Variants in CNST observed in about 807,000 individuals in gnomAD.
CNST encodes consortin.
CNST carries 39 observed loss-of-function variants against 72.4 expected under a neutral mutation model. The ratio of observed to expected loss-of-function variants is 0.54; its 90% CI spans 0.42 to 0.70. The LOEUF is 0.70. CNST is among the 30% of genes least tolerant of loss of function. CNST has a pLI of 0.00. For synonymous variants in CNST, 332 were observed against 320.1 expected (o/e 1.04, Z -0.40); for missense variants, 871 against 868.5 (o/e 1.00, Z -0.04).
At chr1:246,586,445 C>A (rs1043901003) in intron 1 of CNST, among the ~76,000 whole-genome samples, 12 of 147,656 alleles carry the variant, frequency 8.1e-5, no homozygotes, top group Non-Finnish European at 1.6e-4. Flanking sequence ...TATATGCAAG[C>A]TATATCTTAT....
In CNST at chr1:246,601,666, T is replaced by C. The variant is rs946591322; in HGVS notation, c.379+9725T>C. ...AAAATTAGCTGGGCGTGGTGGCACATGCCTGTAATTCCAGCTACTCAGGAG... is the reference window on the plus strand; with the variant it reads ...AAAATTAGCTGGGCGTGGTGGCACACGCCTGTAATTCCAGCTACTCAGGAG... On this transcript the variant is annotated intron_variant, in intron 2 of 10. Coordinates refer to ENST00000366513, the MANE Select transcript of CNST (RefSeq NM_152609.3). Among the ~76,000 whole-genome samples the C allele has an allele frequency of 7.9e-5, 12 of 152,040 alleles. No homozygotes were observed. In the South Asian group the frequency reaches 1.5e-3, roughly 18 times the overall value.
Position 246,576,016 on chromosome 1 carries a change from CTT to C in CNST, c.-52+9354_-52+9355del, listed in dbSNP as rs1261399577. 3.1e-3 allele frequency among the ~76,000 whole-genome samples: 455 copies of C among 149,078 alleles called. 3 individuals are homozygous for C. The highest frequency in any genetic ancestry group is 0.011 in the African/African-American group (426 of 39,904). ...TTGGGAGGCCGAGGCGAGCAGATCA[CTT>C]GAGGTCAGGAATTCAAGACCAGCCT... On this transcript the variant is annotated intron_variant, in intron 1 of 10. Transcript: ENST00000366513.
intron 1 of CNST, among the ~76,000 whole-genome samples, chr1:246,572,085 C>T (rs749428819): frequency 2.0e-5 from 3 of 152,066 alleles, no homozygotes; most frequent in Admixed American, 1.3e-4. Context: ...TGGCCAGTCA[C>T]AGCCATGCCT....
At chr1:246,648,879 A>C (rs1285149529) in intron 9 of CNST, among the ~76,000 whole-genome samples, 1 of 152,234 alleles carries the variant, frequency 6.6e-6, no homozygotes, top group Non-Finnish European at 1.5e-5. Flanking sequence ...CATTGAAAAA[A>C]TAAGGGGGAA....
At chr1:246,652,909 C>G (rs1666557607) in intron 9 of CNST, among the ~76,000 whole-genome samples, 1 of 150,726 alleles carries the variant, frequency 6.6e-6, no homozygotes, top group South Asian at 2.1e-4. Flanking sequence ...GAGGCTGAGG[C>G]AGGAGAATGG....
At chr1:246,623,967 G>A (rs1664257214) in intron 3 of CNST, among the ~76,000 whole-genome samples, 1 of 151,802 alleles carries the variant, frequency 6.6e-6, no homozygotes, top group Non-Finnish European at 1.5e-5. Context: ...GGACGCTAAG[G>A]TGGGAGGATT....
At chr1:246,647,044 A>G in intron 8 of CNST, 95 bp from the exon 9 acceptor site, 1 of 1,111,766 alleles carries the variant, frequency 9.0e-7, no homozygotes, top group Non-Finnish European at 1.3e-6. Context: ...GGGTTAGAAT[A>G]TTGCTGTATT....
At chr1:246,648,479 A>T (rs1353825816) in intron 9 of CNST, among the ~76,000 whole-genome samples, 3 of 152,196 alleles carry the variant, frequency 2.0e-5, no homozygotes, top group Non-Finnish European at 4.4e-5. Context: ...TAGTCTAAAG[A>T]ATAGAGGGAA....
At chr1:246,617,439 A>G (rs1349199072) in intron 2 of CNST, among the ~76,000 whole-genome samples, 2 of 152,234 alleles carry the variant, frequency 1.3e-5, no homozygotes, top group Admixed American at 6.5e-5. Context: ...GAACTGCTTT[A>G]CCACTCTTGT....
intron 1 of CNST, among the ~76,000 whole-genome samples, chr1:246,571,835 G>A (rs1660090737): frequency 6.6e-6 from 1 of 152,064 alleles, no homozygotes; most frequent in Non-Finnish European, 1.5e-5. Context: ...TGACATTTGG[G>A]CATTTGATAT....
At chr1:246,631,384 T>G (rs1464839098) in intron 3 of CNST, among the ~76,000 whole-genome samples, 1 of 152,230 alleles carries the variant, frequency 6.6e-6, no homozygotes, top group Non-Finnish European at 1.5e-5. Context: ...TCCTGTGAGG[T>G]CCTCAGCCGG....
At chr1:246,598,014 T>C (rs1399394685) in intron 2 of CNST, among the ~76,000 whole-genome samples, 1 of 152,178 alleles carries the variant, frequency 6.6e-6, no homozygotes, top group Admixed American at 6.6e-5. Flanking sequence ...AGGATTTTGT[T>C]CTGTCACCTA....
chr1:246,663,919 C>A (rs548036513), intron 10 of CNST, among the ~76,000 whole-genome samples: 76 of 152,090 alleles, frequency 5.0e-4, no homozygotes, highest in Middle Eastern at 3.4e-3. Flanking sequence ...ACGGATAGTC[C>A]CTTAGACTCT....
At chr1:246,584,954 C>T (rs1661039677) in intron 1 of CNST, among the ~76,000 whole-genome samples, 1 of 152,160 alleles carries the variant, frequency 6.6e-6, no homozygotes, top group African/African-American at 2.4e-5. Context: ...GAAATAGTTT[C>T]AGCCTTTGCT....
Position 246,667,935 on chromosome 1 carries a change from T to G in CNST, c.*2030T>G, listed in dbSNP as rs923206869. ...AGAGCCACTTCCTCTGAACCCAACA[T>G]CTCCTGGGGACCTTCGCAGCAAGAG... On this transcript the variant is annotated 3_prime_UTR_variant, in exon 11 of 11. Coordinates refer to ENST00000366513, the MANE Select transcript of CNST (RefSeq NM_152609.3). 6.6e-6 allele frequency: 1 copy of G among 152,164 alleles called. No homozygotes were observed. Among genetic ancestry groups the G allele is most frequent in the Non-Finnish European group, 1.5e-5 (1 of 68,046 alleles). 9.4% of individuals were successfully genotyped at this position (152,164 alleles called of 1,614,324 possible).
chr1:246,595,094 G>A (rs1180474288), intron 2 of CNST, among the ~76,000 whole-genome samples: 19 of 152,112 alleles, frequency 1.2e-4, no homozygotes, highest in Admixed American at 3.9e-4. Flanking sequence ...TGTCTGCCCG[G>A]GCTGGCCATG....
At chr1:246,605,488 T>C (rs1195770751) in intron 2 of CNST, among the ~76,000 whole-genome samples, 1 of 152,202 alleles carries the variant, frequency 6.6e-6, no homozygotes, top group Non-Finnish European at 1.5e-5. Flanking sequence ...CACGCTGTTT[T>C]AATGCGCGCC....
At chr1:246,656,431 G>A (rs558908301) in intron 9 of CNST, among the ~76,000 whole-genome samples, 36 of 152,180 alleles carry the variant, frequency 2.4e-4, no homozygotes, top group African/African-American at 7.7e-4. Context: ...TTTTAATTCT[G>A]CATTTATTCA....
At chr1:246,597,001 A>G (rs992663727) in intron 2 of CNST, among the ~76,000 whole-genome samples, 3 of 152,148 alleles carry the variant, frequency 2.0e-5, no homozygotes, top group Admixed American at 6.5e-5. Context: ...CTTTTTGACT[A>G]TTCTATGGAC....
Sources: gnomAD v4.1 joint callset for allele counts (sites outside exome capture counted in the v4.1 genomes callset) on GRCh38, gnomAD v4.1.1 for gene constraint, MANE v1.5 for transcripts, NCBI Gene and HGNC (gene_info 2026-07-23, HGNC 2026-07-21) for gene names.